The following TMEM74 variants were observed in gnomAD, a reference collection of about 807,000 sequenced individuals.
TMEM74 encodes the protein transmembrane protein 74.
Under a neutral mutation model 18.1 loss-of-function variants are expected in TMEM74, and 13 were observed. That is an observed-to-expected ratio of 0.72 (90% CI 0.47 to 1.14). TMEM74 has a LOEUF of 1.14. Among genes scored for constraint, TMEM74 ranks in the 50% most tolerant of loss-of-function variants. The pLI, the probability that TMEM74 is intolerant of heterozygous loss-of-function variation, is 0.00. For missense variants in TMEM74, 372 were observed against 375.9 expected (o/e 0.99, Z 0.09); for synonymous variants, 159 against 146.6 (o/e 1.08, Z -0.61).
rs377293148 is a variant in TMEM74, at chr8:108,779,266, G to A, written c.*4915C>T. 7.2e-5 allele frequency among the ~76,000 whole-genome samples: 11 copies of A among 152,230 alleles called. No individual in the cohort carries two copies. In the South Asian group the frequency reaches 2.3e-3, roughly 32 times the overall value. On this transcript the variant is annotated 3_prime_UTR_variant, in exon 2 of 2. Coordinates refer to ENST00000297459, the MANE Select transcript of TMEM74 (RefSeq NM_153015.3). ...AGAAAAGTAAAATTAACAGCACGATGAGAACCACAGGGTACAAACTCTCAA... is the reference window on the plus strand; with the variant it reads ...AGAAAAGTAAAATTAACAGCACGATAAGAACCACAGGGTACAAACTCTCAA...
intron 1 of TMEM74, among the ~76,000 whole-genome samples, chr8:108,663,809 G>A (rs1357509883): frequency 6.6e-6 from 1 of 152,174 alleles, no homozygotes; most frequent in African/African-American, 2.4e-5. Context: ...GTCCTTTGCA[G>A]GGAGATGGAT....
intron 1 of TMEM74, among the ~76,000 whole-genome samples, chr8:108,718,228 G>A (rs1487207656): frequency 6.7e-6 from 1 of 149,632 alleles, no homozygotes; most frequent in Non-Finnish European, 1.5e-5. Context: ...AAAGTGCTGG[G>A]ATTACAGGCG....
At chr8:108,614,819 A>T (rs1321719572) in intron 2 of TMEM74, among the ~76,000 whole-genome samples, 1 of 152,228 alleles carries the variant, frequency 6.6e-6, no homozygotes, top group African/African-American at 2.4e-5. Context: ...GAATAAATAT[A>T]TGTCAAGTAA....
At chr8:108,616,896 G>A (rs73310893) in intron 2 of TMEM74, among the ~76,000 whole-genome samples, 7,241 of 151,756 alleles carry the variant, frequency 0.048, 417 homozygotes, top group African/African-American at 0.13. Context: ...GATACCTGGA[G>A]TTGGTTAATG....
At chr8:108,679,110 G>T (rs1813086334) in intron 1 of TMEM74, among the ~76,000 whole-genome samples, 1 of 152,184 alleles carries the variant, frequency 6.6e-6, no homozygotes. Context: ...GTATTCCATG[G>T]TGTATATGTG....
chr8:108,657,580 G>T (rs545018851), intron 1 of TMEM74, among the ~76,000 whole-genome samples: 24 of 151,654 alleles, frequency 1.6e-4, no homozygotes, highest in African/African-American at 5.1e-4. Flanking sequence ...TTTTTGGACC[G>T]GGCGCGGTGG....
At chr8:108,615,198 G>C (rs1422224584) in intron 2 of TMEM74, among the ~76,000 whole-genome samples, 2 of 152,222 alleles carry the variant, frequency 1.3e-5, no homozygotes, top group African/African-American at 4.8e-5. Context: ...GGAAGCTACA[G>C]AGAGGGCAAA....
intron 1 of TMEM74, among the ~76,000 whole-genome samples, chr8:108,747,895 A>G (rs1331009219): frequency 6.6e-6 from 1 of 152,072 alleles, no homozygotes; most frequent in Admixed American, 6.6e-5. Flanking sequence ...ACATGATCTC[A>G]TTCCTTTTTA....
chr8:108,650,801 C>T (rs902165542), intron 2 of TMEM74, among the ~76,000 whole-genome samples: 1 of 152,098 alleles, frequency 6.6e-6, no homozygotes, highest in Non-Finnish European at 1.5e-5. Flanking sequence ...ACCTCTGACT[C>T]CCAGGTTCAA....
chr8:108,686,127 C>T (rs1432100961), intron 1 of TMEM74, among the ~76,000 whole-genome samples: 3 of 151,908 alleles, frequency 2.0e-5, no homozygotes, highest in Non-Finnish European at 4.4e-5. Flanking sequence ...CAAAAAAATG[C>T]AAGAATATCC....
At chr8:108,629,593 G>A (rs1328722173) in intron 2 of TMEM74, among the ~76,000 whole-genome samples, 1 of 152,032 alleles carries the variant, frequency 6.6e-6, no homozygotes, top group African/African-American at 2.4e-5. Flanking sequence ...AGAAAGGTCA[G>A]GTTACCTACA....
chr8:108,707,173 C>CT (rs1216645883), intron 1 of TMEM74, among the ~76,000 whole-genome samples: 1 of 123,912 alleles, frequency 8.1e-6, no homozygotes, highest in African/African-American at 2.9e-5. Context: ...CATCACACAC[C>CT]GGGGCCTGTC....
chr8:108,679,230 C>T (rs112282794), intron 1 of TMEM74, among the ~76,000 whole-genome samples: 4,469 of 152,244 alleles, frequency 0.029, 122 homozygotes, highest in African/African-American at 0.066. Context: ...GTCTTTACAG[C>T]AGCATGATTT....
chr8:108,631,047 T>A (rs2130552460), intron 2 of TMEM74, among the ~76,000 whole-genome samples: 1 of 152,084 alleles, frequency 6.6e-6, no homozygotes, highest in South Asian at 2.1e-4. Context: ...ATCTTTAGAA[T>A]GTGGGAAGAA....
At chr8:108,719,333 A>G (rs550794860) in intron 1 of TMEM74, among the ~76,000 whole-genome samples, 2 of 152,278 alleles carry the variant, frequency 1.3e-5, no homozygotes, top group African/African-American at 4.8e-5. Context: ...TGTTAAATAT[A>G]CATTCTCACA....
intron 2 of TMEM74, among the ~76,000 whole-genome samples, chr8:108,640,175 C>T (rs994715305): frequency 6.9e-6 from 1 of 145,824 alleles, no homozygotes; most frequent in Non-Finnish European, 1.5e-5. Context: ...CTCTATCGCC[C>T]AGGCTGGAGT....
intron 1 of TMEM74, among the ~76,000 whole-genome samples, chr8:108,752,140 A>C (rs1813910469): frequency 6.6e-6 from 1 of 152,108 alleles, no homozygotes. Flanking sequence ...GGATGAGACA[A>C]TATTAAAGAT....
At chr8:108,654,676 T>C (rs1332875471) in intron 2 of TMEM74, among the ~76,000 whole-genome samples, 2 of 152,076 alleles carry the variant, frequency 1.3e-5, no homozygotes, top group Admixed American at 1.3e-4. Flanking sequence ...AAAATAAAAA[T>C]TGCATTCTAA....
chr8:108,758,387 C>CTTGA (rs1434293908), intron 1 of TMEM74, among the ~76,000 whole-genome samples: 1 of 152,024 alleles, frequency 6.6e-6, no homozygotes, highest in Non-Finnish European at 1.5e-5. Flanking sequence ...GCTTAACTCT[C>CTTGA]TTGACCTCAG....
Sources: gnomAD v4.1 joint callset for allele counts (sites outside exome capture counted in the v4.1 genomes callset) on GRCh38, gnomAD v4.1.1 for gene constraint, MANE v1.5 for transcripts, NCBI Gene and HGNC (gene_info 2026-07-23, HGNC 2026-07-21) for gene names.